Variants in GRID2 observed in about 807,000 individuals in gnomAD.
GRID2 encodes glutamate ionotropic receptor delta type subunit 2.
GRID2 carries 33 observed loss-of-function variants against 114.8 expected under a neutral mutation model. The ratio of observed to expected loss-of-function variants is 0.29; its 90% CI spans 0.22 to 0.38. The LOEUF is 0.38. Among genes scored for constraint, GRID2 ranks in the 10% least tolerant of loss-of-function variants. The probability of loss-of-function intolerance (pLI) is 1.00; values close to 1 mark genes in which losing one functional copy is unlikely to be tolerated. For missense variants in GRID2, 1,184 were observed against 1,257.7 expected, an observed-to-expected ratio of 0.94 and a Z score of 0.89; for synonymous variants, 505 against 449.9, an observed-to-expected ratio of 1.12 and a Z score of -1.55.
rs143454912 is a variant in GRID2 at position 93,455,727 on chromosome 4, G to A, written c.1611G>A (p.Thr537=). The change falls in exon 11 of 16, where the codon ACG becomes ACA. Residue 537 remains threonine, a synonymous_variant. Transcript: ENST00000282020. ...TPDRENVVDF[T]TRYMDYSVGV... ...ATCGTGAAAATGTGGTGGACTTTAC[G>A]ACACGTTACATGGACTACTCAGTGG... The A allele has an allele frequency of 2.3e-5, 37 of 1,612,056 alleles. No individual in the cohort carries two copies. The highest frequency in any genetic ancestry group is 2.2e-4 in the Admixed American group (13 of 59,982).
At chr4:92,926,626 T>C (rs1749828391) in intron 2 of GRID2, among the ~76,000 whole-genome samples, 1 of 151,938 alleles carries the variant, frequency 6.6e-6, no homozygotes, top group Non-Finnish European at 1.5e-5. Context: ...AGCCTTTTGG[T>C]AAAATAGCGT....
chr4:92,954,674 T>G (rs941778677), intron 2 of GRID2, among the ~76,000 whole-genome samples: 2 of 149,408 alleles, frequency 1.3e-5, no homozygotes, highest in Non-Finnish European at 3.0e-5. Context: ...TGCAGGTTAG[T>G]TACATATGTA....
At chr4:93,622,876 A>T (rs1377275835) in intron 13 of GRID2, among the ~76,000 whole-genome samples, 1 of 152,212 alleles carries the variant, frequency 6.6e-6, no homozygotes. Flanking sequence ...ATGTTTTGAT[A>T]TTCCATTCTT....
chr4:93,008,525 G>C (rs1464512089), intron 2 of GRID2, among the ~76,000 whole-genome samples: 1 of 151,632 alleles, frequency 6.6e-6, no homozygotes, highest in Non-Finnish European at 1.5e-5. Context: ...TTTTTAAACT[G>C]TTCCTGCAAG....
intron 2 of GRID2, among the ~76,000 whole-genome samples, chr4:92,916,055 G>A (rs916566887): frequency 7.2e-5 from 11 of 152,034 alleles, no homozygotes; most frequent in East Asian, 1.9e-4. Flanking sequence ...TTTGCGATGC[G>A]TAAACTCTTT....
chr4:92,749,407 C>T (rs1051758974), intron 2 of GRID2, among the ~76,000 whole-genome samples: 8 of 151,038 alleles, frequency 5.3e-5, no homozygotes, highest in East Asian at 2.0e-4. Context: ...CTCCGCCTCC[C>T]GGGCTCAAGC....
intron 14 of GRID2, among the ~76,000 whole-genome samples, chr4:93,698,435 A>G (rs746832262): frequency 5.9e-5 from 9 of 152,098 alleles, no homozygotes; most frequent in Non-Finnish European, 1.0e-4. Context: ...TGTTCTTTTT[A>G]TAAGTACATG....
intron 1 of GRID2, among the ~76,000 whole-genome samples, chr4:93,782,795 A>G (rs1734505680): frequency 6.6e-6 from 1 of 152,160 alleles, no homozygotes; most frequent in African/African-American, 2.4e-5. Context: ...ATTTAAAATA[A>G]CTGTTAAAAC....
chr4:93,338,360 G>A (rs1243934020), intron 8 of GRID2, among the ~76,000 whole-genome samples: 2 of 152,074 alleles, frequency 1.3e-5, no homozygotes, highest in African/African-American at 2.4e-5. Flanking sequence ...TGGTGTAAAT[G>A]TTCTCGATTA....
intron 9 of GRID2, among the ~76,000 whole-genome samples, chr4:93,400,528 T>A (rs979724974): frequency 6.6e-6 from 1 of 152,134 alleles, no homozygotes; most frequent in African/African-American, 2.4e-5. Flanking sequence ...GTCATTCAAT[T>A]GTTTTCATGG....
At chr4:93,101,807 T>TA (rs1265057272) in intron 3 of GRID2, among the ~76,000 whole-genome samples, 3 of 152,122 alleles carry the variant, frequency 2.0e-5, no homozygotes, top group African/African-American at 7.2e-5. Context: ...ACAATACAGA[T>TA]ATCTGAGAAA....
At chr4:92,603,121 C>A (rs532124040) in intron 2 of GRID2, among the ~76,000 whole-genome samples, 42 of 152,246 alleles carry the variant, frequency 2.8e-4, no homozygotes, top group African/African-American at 9.4e-4. Context: ...AATGGCCATA[C>A]TGCTCAAAGC....
chr4:92,729,942 T>A (rs1367203800), intron 2 of GRID2, among the ~76,000 whole-genome samples: 1 of 151,946 alleles, frequency 6.6e-6, no homozygotes, highest in African/African-American at 2.4e-5. Flanking sequence ...AGAAAGCCTC[T>A]TACTCTTAAG....
At chr4:93,700,909 T>C (rs181491139) in intron 14 of GRID2, among the ~76,000 whole-genome samples, 170 of 151,368 alleles carry the variant, frequency 1.1e-3, no homozygotes, top group Non-Finnish European at 1.8e-3. Flanking sequence ...TTTCTTTTCC[T>C]TTTTTTTTCT....
At chr4:92,714,964 C>A (rs749721621) in intron 2 of GRID2, among the ~76,000 whole-genome samples, 1 of 152,236 alleles carries the variant, frequency 6.6e-6, no homozygotes, top group South Asian at 2.1e-4. Context: ...CTTATGCACA[C>A]TTCTGCAGCC....
chr4:92,474,428 A>G (rs1722194886), intron 1 of GRID2, among the ~76,000 whole-genome samples: 4 of 152,164 alleles, frequency 2.6e-5, no homozygotes, highest in Admixed American at 2.0e-4. Context: ...ACTGATGAAC[A>G]CAAGGTTGAT....
At chr4:92,594,159 C>A (rs1021944536) in intron 2 of GRID2, among the ~76,000 whole-genome samples, 2 of 151,600 alleles carry the variant, frequency 1.3e-5, no homozygotes, top group South Asian at 2.1e-4. Context: ...TTGCTATATA[C>A]CCACCCATGC....
chr4:93,335,469 A>C (rs532521651), intron 8 of GRID2, among the ~76,000 whole-genome samples: 1 of 152,160 alleles, frequency 6.6e-6, no homozygotes, highest in African/African-American at 2.4e-5. Context: ...AATTTTACAG[A>C]TCCTAACAAC....
At chr4:92,355,291 C>T (rs1327848927) in intron 1 of GRID2, among the ~76,000 whole-genome samples, 4 of 151,632 alleles carry the variant, frequency 2.6e-5, no homozygotes, top group Non-Finnish European at 5.9e-5. Flanking sequence ...TTTTTTACCT[C>T]ATTATTTCCT....
Sources: allele counts gnomAD v4.1 joint callset (sites outside exome capture counted in the v4.1 genomes callset), GRCh38; gene constraint gnomAD v4.1.1; transcripts MANE v1.5; gene names NCBI Gene and HGNC (gene_info 2026-07-23, HGNC 2026-07-21).